The following ZMYM6 variants were observed in gnomAD, a reference collection of about 807,000 sequenced individuals.
The protein encoded by ZMYM6 is zinc finger MYM-type protein 6.
A neutral mutation model predicts 134.0 loss-of-function variants in ZMYM6; 90 were observed. That is an observed-to-expected ratio of 0.67 (90% CI 0.57 to 0.80). The LOEUF (loss-of-function observed/expected upper bound fraction) is 0.80, where lower values mean the gene tolerates loss of function less well. Ranked by LOEUF, ZMYM6 falls within the 30% of genes least tolerant of loss-of-function variation. ZMYM6 has a pLI of 0.00. For missense variants in ZMYM6, 1,362 were observed against 1,533.9 expected, an observed-to-expected ratio of 0.89 and a Z score of 1.87; for synonymous variants, 481 against 524.1, an observed-to-expected ratio of 0.92 and a Z score of 1.12.
intron 14 of ZMYM6, among the ~76,000 whole-genome samples, chr1:34,992,651 AT>A (rs1269505047): frequency 2.7e-5 from 4 of 147,144 alleles, no homozygotes; most frequent in Non-Finnish European, 6.0e-5. Flanking sequence ...ATAAAAATAT[AT>A]TTATAAACTA....
chr1:34,988,306 A>C lies in ZMYM6; in HGVS notation c.2776T>G (p.Cys926Gly), dbSNP rs1183939044. ...SEISNITLLL[C>G]YIRFIDYDCR... ...TCATAATCAATGAAACGAATATAGC[A>C]CAAAAGAAGTGTGATATTTGAGATT... The change falls in exon 16 of 16, where the codon TGC becomes GGC. Residue 926 changes from cysteine (C) to glycine (G), a missense_variant. Physicochemically the swap from Cys to Gly is radical, Grantham distance 159. Transcript: ENST00000357182. The C allele has an allele frequency of 3.2e-6, 5 of 1,550,998 alleles. No homozygotes were observed. Among genetic ancestry groups the C allele is most frequent in the Admixed American group, 3.9e-5 (2 of 50,952 alleles).
chr1:35,018,470 A>T (rs549458306), intron 4 of ZMYM6: 1 of 151,994 alleles, frequency 6.6e-6, no homozygotes, highest in African/African-American at 2.4e-5. Context: ...ACATAGTAAT[A>T]TGTATTATAT....
chr1:35,019,477 C>T lies in ZMYM6; in HGVS notation c.304G>A (p.Gly102Ser). ...CCTGTCTTATGATATGCAGTTTGGC[C>T]CTTATAAAGCATTTTTTTACAACCA... Reference protein sequence around the residue: ...CSGCKKMLYKGQTAYHKTGST... With the variant: ...CSGCKKMLYKSQTAYHKTGST... Residue 102 changes from glycine (G) to serine (S), a missense_variant, in exon 4 of 16, where the codon GGC (glycine) becomes AGC (serine). Around this residue, in one of 3 missense-constraint regions of ZMYM6, gnomAD observed 503 missense variants for 520.8 expected, o/e 0.97. Coordinates refer to ENST00000357182, the MANE Select transcript of ZMYM6 (RefSeq NM_007167.4). The T allele has an allele frequency of 1.2e-6, 2 of 1,613,894 alleles. No homozygotes were observed. Among genetic ancestry groups the T allele is most frequent in the African/African-American group, 2.7e-5 (2 of 74,902 alleles).
At chr1:35,021,631 GAAAAAGAA>G (rs776981278) in intron 2 of ZMYM6, among the ~76,000 whole-genome samples, 1 of 150,510 alleles carries the variant, frequency 6.6e-6, no homozygotes, top group Non-Finnish European at 1.5e-5. Context: ...AAAAAAAAAA[GAAAAAGAA>G]AAAAAGAAAA....
rs907601023 is a variant in ZMYM6 at position 34,986,987 on chromosome 1, T to G, written c.*117A>C. 4.4e-6 allele frequency: 3 copies of G among 677,896 alleles called. No individual in the cohort carries two copies. The Admixed American group carries it at 9.3e-5, about 21-fold the overall frequency. The allele number at this position is 677,896 out of a possible 1,614,324, so 42.0% of individuals were successfully genotyped here. A position where few individuals can be genotyped will look rare whatever the true frequency, so the allele number is the denominator to read the frequency against. Reference sequence around the variant, plus strand: ...AATTCCTCAACAAAAAGGGAAAAATTATTAAAACATTTAATCACTGAAAAC... The same window carrying G: ...AATTCCTCAACAAAAAGGGAAAAATGATTAAAACATTTAATCACTGAAAAC... On this transcript the variant is annotated 3_prime_UTR_variant, in exon 16 of 16. Coordinates refer to ENST00000357182, the MANE Select transcript of ZMYM6 (RefSeq NM_007167.4).
chr1:34,994,990 T>G (rs1161540983), intron 14 of ZMYM6, among the ~76,000 whole-genome samples: 1 of 139,488 alleles, frequency 7.2e-6, no homozygotes, highest in Non-Finnish European at 1.5e-5. Flanking sequence ...TACATATCTA[T>G]ATGTATATAT....
chr1:34,991,959 T>A (rs1031574696), intron 15 of ZMYM6: 1 of 415,454 alleles, frequency 2.4e-6, no homozygotes, highest in Non-Finnish European at 4.5e-6. Context: ...AACTGACAAC[T>A]GAATTCGCAG....
At chr1:34,999,480 T>C (rs1015866722) in intron 14 of ZMYM6, among the ~76,000 whole-genome samples, 1 of 152,032 alleles carries the variant, frequency 6.6e-6, no homozygotes, top group Non-Finnish European at 1.5e-5. Context: ...TATTCTCAGA[T>C]AAGATGTAGG....
chr1:35,031,183 C>T (rs1236938072), intron 1 of ZMYM6: 2 of 152,544 alleles, frequency 1.3e-5, no homozygotes, highest in African/African-American at 2.4e-5. Flanking sequence ...CCCCATTTCT[C>T]GGCCTAACGC....
At chr1:35,017,922 T>C (rs1023268461) in intron 4 of ZMYM6, 12 of 152,224 alleles carry the variant, frequency 7.9e-5, no homozygotes, top group African/African-American at 2.7e-4. Context: ...ATTTGGTATG[T>C]TGAAACAATA....
chr1:35,007,041 G>A lies in ZMYM6; in HGVS notation c.1723C>T (p.Arg575Ter), dbSNP rs200352168. The A allele has an allele frequency of 2.5e-6, 4 of 1,612,106 alleles. No individual in the cohort carries two copies. The highest frequency in any genetic ancestry group is 2.2e-5 in the East Asian group (1 of 44,732). The part of the protein sequence containing the change: ...QGKLSESIKW[R>*]GNIKHFCNLF... ...TTACAGAAATGTTTAATGTTGCCTC[G>A]CCACTTTATGGACTCGCTTAGTTTA... The change falls in exon 12 of 16, where the codon CGA becomes TGA. Residue 575 changes from arginine to a stop codon, truncating the protein, a stop_gained. Transcript: ENST00000357182. LOFTEE classifies it high-confidence loss of function.
rs756552297 is a variant in ZMYM6 at position 35,014,785 on chromosome 1, T to C, written c.707A>G (p.Glu236Gly). The C allele has an allele frequency of 1.9e-6, 3 of 1,614,222 alleles. No individual in the cohort carries two copies. The highest frequency in any genetic ancestry group is 1.6e-4 in the Middle Eastern group (1 of 6,062). The change falls in exon 6 of 16, where the codon GAG becomes GGG. Residue 236 changes from glutamate (E) to glycine (G), a missense_variant. Transcript: ENST00000357182. Reference protein sequence around the residue: ...STNNLTMNCCENCGSYCYSSS... With the variant: ...STNNLTMNCCGNCGSYCYSSS... ...ACTATAGCAATAGCTCCCACAGTTC[T>C]CACAACAGTTCATGGTGAGGTTGTT...
Position 34,987,897 on chromosome 1 carries a change from A to G in ZMYM6, c.3185T>C (p.Val1062Ala), listed in dbSNP as rs1423523019. Reference protein sequence around the residue: ...ILCEEMGSEHVSLPLHAEVRW... With the variant: ...ILCEEMGSEHASLPLHAEVRW... ...TACTTCAGCATGAAGCGGTAAACTC[A>G]CATGCTCAGATCCCATCTCTTCACA... The change falls in exon 16 of 16, where the codon GTG (valine) becomes GCG (alanine). Residue 1062 changes from valine (V) to alanine (A), a missense_variant. Physicochemically the swap from Val to Ala is moderately conservative, Grantham distance 64 (BLOSUM62 0). Coordinates refer to ENST00000357182, the MANE Select transcript of ZMYM6 (RefSeq NM_007167.4). 6.4e-7 allele frequency: 1 copy of G among 1,551,540 alleles called. No homozygotes were observed. Among genetic ancestry groups the G allele is most frequent in the African/African-American group, 1.4e-5 (1 of 73,050 alleles).
rs1640609466 is a variant in ZMYM6, at chr1:34,988,424, C to T, written c.2658G>A (p.Arg886=). The stretch of plus-strand genomic sequence containing the variant: ...CAATGTCTGCAGATAGTTCATCAAT[C>T]CTGTGTTGAATTGTAACATTAGAAA... ...IPLSNVTIQH[R]IDELSADIED... The change falls in exon 16 of 16, where the codon AGG becomes AGA. Residue 886 remains arginine, a synonymous_variant. Transcript: ENST00000357182. 1 of 1,551,434 alleles carries T rather than the reference C, an allele frequency of 6.4e-7. No homozygotes were observed. Among genetic ancestry groups the T allele is most frequent in the Non-Finnish European group, 8.7e-7 (1 of 1,146,958 alleles).
chr1:35,030,274 A>C (rs1400235990), intron 2 of ZMYM6: 1 of 294,692 alleles, frequency 3.4e-6, no homozygotes, highest in African/African-American at 2.2e-5. Context: ...TACCAAAAAT[A>C]CAAAAAAATA....
At chr1:34,989,922 GAA>G (rs1640642480) in intron 15 of ZMYM6, 1 of 148,710 alleles carries the variant, frequency 6.7e-6, no homozygotes, top group African/African-American at 2.5e-5. Context: ...AGAAAAGGAA[GAA>G]AAAGAGACAG....
At chr1:35,010,702 A>G (rs1424809469) in intron 9 of ZMYM6, 56 bp downstream of exon 9, 6 of 1,537,612 alleles carry the variant, frequency 3.9e-6, no homozygotes, top group Middle Eastern at 1.8e-4. Context: ...TTGAAAACAC[A>G]AAAGTGTTTC....
chr1:35,007,130 A>C, intron 11 of ZMYM6, 32 bp from the exon 12 acceptor site: 1 of 1,566,770 alleles, frequency 6.4e-7, no homozygotes, highest in Non-Finnish European at 8.6e-7. Flanking sequence ...AGATAGGCTT[A>C]AAACTATAAA....
intron 6 of ZMYM6, chr1:35,012,951 C>T (rs1557577544): frequency 1.0e-6 from 1 of 984,770 alleles, no homozygotes; most frequent in African/African-American, 1.7e-5. Context: ...GAAGAGTCTA[C>T]CACCTTTAAG....
Sources: allele counts gnomAD v4.1 joint callset (sites outside exome capture counted in the v4.1 genomes callset), GRCh38; gene constraint gnomAD v4.1.1; regional missense constraint gnomAD v4.1.1; transcripts MANE v1.5; gene names NCBI Gene and HGNC (gene_info 2026-07-23, HGNC 2026-07-21).